Variants in MISP observed in about 807,000 individuals in gnomAD.
MISP encodes the protein mitotic spindle positioning.
Under a neutral mutation model 49.3 loss-of-function variants are expected in MISP, and 51 were observed. The ratio of observed to expected loss-of-function variants is 1.03; its 90% confidence interval spans 0.83 to 1.31. The LOEUF (loss-of-function observed/expected upper bound fraction) is 1.31, where lower values mean the gene tolerates loss of function less well. Among genes scored for constraint, MISP ranks in the 50% most tolerant of loss-of-function variants. The pLI is 0.00. For synonymous variants in MISP, 444 were observed against 392.6 expected, an observed-to-expected ratio of 1.13 and a Z score of -1.55; for missense variants, 1,084 against 935.1, an observed-to-expected ratio of 1.16 and a Z score of -2.08.
intron 1 of MISP, among the ~76,000 whole-genome samples, chr19:751,651 C>G (rs1271210792): frequency 6.6e-6 from 1 of 152,052 alleles, no homozygotes; most frequent in Non-Finnish European, 1.5e-5. Context: ...GGAGGGGTGG[C>G]TGAGTACAGG....
intron 2 of MISP, 44 bp from the exon 3 acceptor site, chr19:759,865 T>G (rs1599187067): frequency 6.2e-7 from 1 of 1,610,328 alleles, no homozygotes; most frequent in South Asian, 1.1e-5. Flanking sequence ...CGAGCAGAGG[T>G]CTGACAAATG....
chr19:750,188 C>CTT (rs71174321), upstream of MISP, among the ~76,000 whole-genome samples: 5 of 112,644 alleles, frequency 4.4e-5, no homozygotes, highest in East Asian at 3.1e-4. Context: ...TCGTGCGGTT[C>CTT]TTTTTTTTTT....
chr19:754,231 G>A (rs1011382556), intron 1 of MISP, among the ~76,000 whole-genome samples: 4 of 152,144 alleles, frequency 2.6e-5, no homozygotes, highest in South Asian at 4.1e-4. Context: ...TTGGGAGGCC[G>A]AGGCGGGAGG....
intron 1 of MISP, among the ~76,000 whole-genome samples, chr19:752,427 G>A (rs1466630644): frequency 2.0e-5 from 3 of 152,096 alleles, no homozygotes; most frequent in Admixed American, 6.5e-5. Context: ...GGGAGGCTGA[G>A]GCAGGAGAAT....
chr19:754,238 G>A (rs1439414229), intron 1 of MISP, among the ~76,000 whole-genome samples: 1 of 152,170 alleles, frequency 6.6e-6, no homozygotes, highest in Non-Finnish European at 1.5e-5. Context: ...GCCGAGGCGG[G>A]AGGATCACGA....
chr19:759,024 T>G (rs970184817), intron 2 of MISP, among the ~76,000 whole-genome samples: 1 of 152,190 alleles, frequency 6.6e-6, no homozygotes, highest in African/African-American at 2.4e-5. Context: ...TGTTTTTTGT[T>G]TTTCGGTTTT....
chr19:757,808 C>T lies in MISP; in HGVS notation c.862C>T (p.Pro288Ser). 1 of 1,611,992 alleles carries T rather than the reference C, an allele frequency of 6.2e-7. No homozygotes were observed. Among genetic ancestry groups the T allele is most frequent in the Non-Finnish European group, 8.5e-7 (1 of 1,178,874 alleles). Residue 288 changes from proline to serine, a missense_variant, in exon 2 of 5, where the codon CCC becomes TCC. Physicochemically the swap from Pro to Ser is moderately conservative, Grantham distance 74. Coordinates refer to ENST00000215582, the MANE Select transcript of MISP (RefSeq NM_173481.4). Reference protein sequence around the residue: ...SLASVESPGTPKETPIEREIR... With the variant: ...SLASVESPGTSKETPIEREIR... Reference sequence around the variant, plus strand: ...GGCCTCAGTGGAGTCCCCGGGGACCCCCAAGGAGACGCCCATCGAGCGGGA... The same window carrying T: ...GGCCTCAGTGGAGTCCCCGGGGACCTCCAAGGAGACGCCCATCGAGCGGGA...
chr19:763,030 C>T (rs953534754), intron 4 of MISP, among the ~76,000 whole-genome samples: 2 of 152,154 alleles, frequency 1.3e-5, no homozygotes, highest in African/African-American at 4.8e-5. Flanking sequence ...TGGCTCACGC[C>T]TGTAATCTCA....
intron 3 of MISP, 101 bp downstream of exon 3, chr19:760,140 A>T: frequency 7.2e-7 from 1 of 1,398,514 alleles, no homozygotes; most frequent in South Asian, 1.3e-5. Context: ...ACCTGGGTTC[A>T]AGCACTACCC....
At position 758,921 on chromosome 19, in the gene MISP, C is replaced by T. The variant is rs182441056; in HGVS notation, c.1780+195C>T. Among the ~76,000 whole-genome samples, 69 of 152,320 alleles carry T rather than the reference C, an allele frequency of 4.5e-4. 1 individual carries two copies. The East Asian group carries it at 0.012, about 26-fold the overall frequency. On this transcript the variant is annotated intron_variant, in intron 2 of 4. Transcript: ENST00000215582. ...TGTAGATTTTGGAGAGAAATGTCAA[C>T]TTTACCTTAGGGCTTTTGCTTTATG...
In MISP at chr19:758,735, G is replaced by C; in HGVS notation, c.1780+9G>C. The stretch of plus-strand genomic sequence containing the variant: ...CTCCTCCCAGGCATCCGGTGAGAAG[G>C]GGCTCCAGGGAGTGGCTGCTTGGCT... On this transcript the variant is annotated intron_variant, in intron 2 of 4. Transcript: ENST00000215582. The C allele has an allele frequency of 3.1e-6, 5 of 1,605,442 alleles. No individual in the cohort carries two copies. Among genetic ancestry groups the C allele is most frequent in the Non-Finnish European group, 4.3e-6 (5 of 1,174,672 alleles).
In MISP at chr19:757,933, G is replaced by T. The variant is rs376048382; in HGVS notation, c.987G>T (p.Pro329=). ...HQELVEIPTR[P]LLTKLSLITA... ...AGCTGGTGGAAATCCCCACCAGGCC[G>T]CTGCTGACCAAGCTGAGCCTGATCA... is the stretch of plus-strand genomic sequence containing the variant. The change falls in exon 2 of 5, where the codon CCG becomes CCT. Residue 329 remains proline (P), a synonymous_variant. Transcript: ENST00000215582. The T allele has an allele frequency of 8.7e-6, 14 of 1,601,002 alleles. No homozygotes were observed. In the South Asian group the frequency reaches 1.2e-4, roughly 14 times the overall value.
chr19:751,024 TG>T (rs201688679), upstream of MISP: 4,364 of 152,420 alleles, frequency 0.029, 64 homozygotes, highest in Middle Eastern at 0.068. Context: ...TGATCCCAGG[TG>T]GGGCTGGGGG....
chr19:748,998 C>T (rs751234810), upstream of MISP, among the ~76,000 whole-genome samples: 8 of 152,198 alleles, frequency 5.3e-5, no homozygotes, highest in African/African-American at 9.7e-5. Flanking sequence ...CTTAGCCGGG[C>T]GTGGTGGCTC....
intron 1 of MISP, among the ~76,000 whole-genome samples, chr19:751,456 C>T (rs755110235): frequency 6.6e-5 from 10 of 152,200 alleles, no homozygotes; most frequent in Non-Finnish European, 1.3e-4. Context: ...CCCCAAATCC[C>T]AGAGCCCTCC....
chr19:758,682 A>G lies in MISP; in HGVS notation c.1736A>G (p.Asp579Gly). ...CCAGAGGTCTTCTCCCCAACGCCAG[A>G]TGAGAACTCTGACCAGAACTCCAGG... ...LFPEVFSPTPDENSDQNSRSS... is the reference protein window; with the variant it reads ...LFPEVFSPTPGENSDQNSRSS... Residue 579 changes from aspartate (D) to glycine (G), a missense_variant, in exon 2 of 5, where the codon GAT becomes GGT. By Grantham distance (94) the Asp-to-Gly change is moderately conservative. Coordinates refer to ENST00000215582, the MANE Select transcript of MISP (RefSeq NM_173481.4). 1.2e-6 allele frequency: 2 copies of G among 1,614,198 alleles called. No individual in the cohort carries two copies. Among genetic ancestry groups the G allele is most frequent in the Non-Finnish European group, 1.7e-6 (2 of 1,180,024 alleles).
chr19:752,496 C>A (rs1261356379), intron 1 of MISP, among the ~76,000 whole-genome samples: 1 of 143,402 alleles, frequency 7.0e-6, no homozygotes. Context: ...TGCACTCCAG[C>A]CTGGGCGACA....
At chr19:759,261 G>A (rs149747442) in intron 2 of MISP, among the ~76,000 whole-genome samples, 9,859 of 152,014 alleles carry the variant, frequency 0.065, 338 homozygotes, top group African/African-American at 0.084. Context: ...GACCTCAGGC[G>A]ATCCACCCTG....
upstream of MISP, among the ~76,000 whole-genome samples, chr19:750,852 T>C (rs916678980): frequency 2.0e-5 from 3 of 152,036 alleles, no homozygotes; most frequent in African/African-American, 7.2e-5. Flanking sequence ...TGAGAGGCGG[T>C]GGGAGGGCCA....
Sources: gnomAD v4.1 joint callset for allele counts (sites outside exome capture counted in the v4.1 genomes callset) on GRCh38, gnomAD v4.1.1 for gene constraint, MANE v1.5 for transcripts, NCBI Gene and HGNC (gene_info 2026-07-23, HGNC 2026-07-21) for gene names.